Variants in PEAK1 observed in about 807,000 individuals in gnomAD.
PEAK1 encodes the protein inactive tyrosine-protein kinase PEAK1.
PEAK1 carries 54 observed loss-of-function variants against 124.7 expected under a neutral mutation model. That is an observed-to-expected ratio of 0.43 (90% confidence interval 0.35 to 0.54). The LOEUF (loss-of-function observed/expected upper bound fraction) is 0.54. Among genes scored for constraint, PEAK1 ranks in the 20% least tolerant of loss-of-function variants. PEAK1 has a pLI of 0.01. For missense variants in PEAK1, 2,046 were observed against 2,134.5 expected, an observed-to-expected ratio of 0.96 and a Z score of 0.82; for synonymous variants, 719 against 760.0, an observed-to-expected ratio of 0.95 and a Z score of 0.89.
chr15:77,166,146 TCC>T (rs2056083105), intron 7 of PEAK1, among the ~76,000 whole-genome samples: 1 of 152,032 alleles, frequency 6.6e-6, no homozygotes, highest in African/African-American at 2.4e-5. Flanking sequence ...AATTTACATT[TCC>T]AAAAAAATTT....
At chr15:77,264,807 AG>A (rs1188052651) in intron 5 of PEAK1, among the ~76,000 whole-genome samples, 21 of 152,170 alleles carry the variant, frequency 1.4e-4, no homozygotes, top group African/African-American at 4.8e-4. Context: ...GTCAATCCTA[AG>A]CCAAAAGAAC....
intron 9 of PEAK1, among the ~76,000 whole-genome samples, chr15:77,132,173 TG>T (rs1397566614): frequency 2.6e-5 from 4 of 151,496 alleles, no homozygotes; most frequent in Non-Finnish European, 4.4e-5. Context: ...CCTGACCTCC[TG>T]GGCTCAGGTG....
chr15:77,225,904 T>A (rs555429361), intron 6 of PEAK1, among the ~76,000 whole-genome samples: 1 of 146,932 alleles, frequency 6.8e-6, no homozygotes, highest in East Asian at 2.0e-4. Flanking sequence ...CATAGTCTTG[T>A]TAAATGCTAG....
chr15:77,313,692 GTATATATATATATGTA>G (rs1406490293), intron 2 of PEAK1, among the ~76,000 whole-genome samples: 6 of 98,792 alleles, frequency 6.1e-5, no homozygotes, highest in Admixed American at 2.2e-4. Context: ...GTGTGTGTGT[GTATATATATATATGTA>G]TGTGTGTGTG....
At chr15:77,402,491 T>C (rs2071457270) in intron 1 of PEAK1, 1 of 973,212 alleles carries the variant, frequency 1.0e-6, no homozygotes, top group African/African-American at 1.8e-5. Context: ...ATTTAAAATA[T>C]TACATGTTAA....
chr15:77,254,123 CT>C (rs1596906329), intron 5 of PEAK1, among the ~76,000 whole-genome samples: 3 of 152,034 alleles, frequency 2.0e-5, no homozygotes, highest in Admixed American at 2.0e-4. Flanking sequence ...CCTGGCCTAT[CT>C]TTGGACTTTA....
intron 8 of PEAK1, chr15:77,157,570 ATCC>A (rs2055265713): frequency 6.6e-6 from 1 of 152,274 alleles, no homozygotes; most frequent in East Asian, 1.9e-4. Flanking sequence ...GCAGTGCAGC[ATCC>A]TCCTCACAAT....
intron 9 of PEAK1, among the ~76,000 whole-genome samples, chr15:77,127,670 C>T (rs1183847506): frequency 2.0e-5 from 3 of 152,112 alleles, no homozygotes; most frequent in African/African-American, 7.2e-5. Flanking sequence ...TGGCTTGGTT[C>T]CTCCTGACTG....
At position 77,365,282 on chromosome 15, in the gene PEAK1, T is replaced by A. The variant is rs2068144991; in HGVS notation, c.-665-57A>T. 5 of 745,538 alleles carry A rather than the reference T, an allele frequency of 6.7e-6. No homozygotes were observed. In the South Asian group the frequency reaches 3.0e-4, roughly 45 times the overall value. 46.2% of individuals were successfully genotyped at this position (745,538 alleles called of 1,614,324 possible). On this transcript the variant is annotated intron_variant, in intron 1 of 9. Transcript: ENST00000682557. ...TGGTCAATATGGTTGAATCTGAGTA[T>A]GGAAATTTAATTATTTCAATAGAAC... is the stretch of plus-strand genomic sequence containing the variant.
intron 1 of PEAK1, among the ~76,000 whole-genome samples, chr15:77,389,767 C>A (rs1043854261): frequency 1.5e-4 from 23 of 152,138 alleles, no homozygotes; most frequent in African/African-American, 5.6e-4. Context: ...AAAGCCAAAT[C>A]TCAAGGTTTA....
At chr15:77,408,116 C>T (rs748932614) in intron 1 of PEAK1, among the ~76,000 whole-genome samples, 10 of 146,976 alleles carry the variant, frequency 6.8e-5, no homozygotes, top group South Asian at 2.1e-4. Context: ...CATATATACA[C>T]ATATATACAT....
chr15:77,306,356 C>T (rs2064102635), intron 2 of PEAK1, among the ~76,000 whole-genome samples: 2 of 152,098 alleles, frequency 1.3e-5, no homozygotes, highest in South Asian at 4.1e-4. Flanking sequence ...TACTTTTGTC[C>T]TTTCACTTTT....
chr15:77,301,155 C>T (rs913375521), intron 2 of PEAK1, among the ~76,000 whole-genome samples: 46 of 152,234 alleles, frequency 3.0e-4, no homozygotes, highest in African/African-American at 1.1e-3. Flanking sequence ...AAGTAATTAG[C>T]AGGGCTGCAC....
chr15:77,119,423 C>A (rs1407914436), intron 9 of PEAK1, among the ~76,000 whole-genome samples: 1 of 152,194 alleles, frequency 6.6e-6, no homozygotes, highest in East Asian at 1.9e-4. Flanking sequence ...AATTCATTAT[C>A]AATTGATCAT....
chr15:77,202,957 A>C (rs2058440554), intron 6 of PEAK1, among the ~76,000 whole-genome samples: 2 of 151,596 alleles, frequency 1.3e-5, no homozygotes, highest in Non-Finnish European at 2.9e-5. Context: ...GGATGGCTTA[A>C]GCCCAAGAGG....
chr15:77,390,097 G>A (rs2070324802), intron 1 of PEAK1, among the ~76,000 whole-genome samples: 1 of 152,190 alleles, frequency 6.6e-6, no homozygotes, highest in African/African-American at 2.4e-5. Context: ...AAGCTTGGGA[G>A]AGCTGGGATT....
intron 5 of PEAK1, among the ~76,000 whole-genome samples, chr15:77,260,347 A>C (rs1345546267): frequency 2.6e-5 from 4 of 152,182 alleles, no homozygotes; most frequent in Admixed American, 2.6e-4. Context: ...TAAATTCATA[A>C]ATATTTATCA....
At chr15:77,104,933 T>C (rs1290827789), downstream of PEAK1, 1 of 152,202 alleles carries the variant, frequency 6.6e-6, no homozygotes, top group African/African-American at 2.4e-5. Flanking sequence ...GACAGACTCC[T>C]TCACCCTGGA....
intron 6 of PEAK1, among the ~76,000 whole-genome samples, chr15:77,247,849 T>C (rs1467420787): frequency 6.6e-6 from 1 of 152,174 alleles, no homozygotes; most frequent in African/African-American, 2.4e-5. Flanking sequence ...GCATTATCCT[T>C]TTTACATATT....
Sources: allele counts gnomAD v4.1 joint callset (sites outside exome capture counted in the v4.1 genomes callset), GRCh38; gene constraint gnomAD v4.1.1; transcripts MANE v1.5; gene names NCBI Gene and HGNC (gene_info 2026-07-23, HGNC 2026-07-21).